The following SLTM variants were observed in gnomAD, a reference collection of about 807,000 sequenced individuals.
SLTM encodes SAFB-like transcription modulator.
SLTM carries 43 observed loss-of-function variants against 134.6 expected under a neutral mutation model. The ratio of observed to expected loss-of-function variants is 0.32; its 90% CI spans 0.25 to 0.41. The LOEUF is 0.41. Among genes scored for constraint, SLTM ranks in the 10% least tolerant of loss-of-function variants. The probability of loss-of-function intolerance (pLI) is 1.00; values close to 1 mark genes in which losing one functional copy is unlikely to be tolerated. For synonymous variants in SLTM, 424 were observed against 432.3 expected (o/e 0.98, Z 0.24); for missense variants, 1,055 against 1,288.8 (o/e 0.82, Z 2.78).
At chr15:58,884,508 G>A (rs1266497985) in intron 19 of SLTM, among the ~76,000 whole-genome samples, 1 of 152,018 alleles carries the variant, frequency 6.6e-6, no homozygotes, top group African/African-American at 2.4e-5. Flanking sequence ...TAGTGGAGAC[G>A]GGGTTTCACC....
Position 58,883,671 on chromosome 15 carries a change from A to G in SLTM, c.2951T>C (p.Met984Thr). ...QGPSYHDTRRMGDGRAGAGMI... is the reference protein window; with the variant it reads ...QGPSYHDTRRTGDGRAGAGMI... Reference sequence around the variant, plus strand: ...GCCTGCTCCTGCCCGGCCGTCACCCATTCGCCTCGTATCATGATAGCTAGG... The same window carrying G: ...GCCTGCTCCTGCCCGGCCGTCACCCGTTCGCCTCGTATCATGATAGCTAGG... The change falls in exon 20 of 21, where the codon ATG becomes ACG. Residue 984 changes from methionine (M) to threonine (T), a missense_variant. Met to Thr is a moderately conservative substitution (Grantham distance 81). Coordinates refer to ENST00000380516, the MANE Select transcript of SLTM (RefSeq NM_024755.4). 2 of 1,614,160 alleles carry G rather than the reference A, an allele frequency of 1.2e-6. No individual in the cohort carries two copies.
chr15:58,903,702 A>G (rs1171848810), intron 5 of SLTM, among the ~76,000 whole-genome samples: 2 of 147,434 alleles, frequency 1.4e-5, no homozygotes, highest in African/African-American at 5.0e-5. Flanking sequence ...ATAATAATAA[A>G]AAGATTAAAA....
chr15:58,916,673 G>A (rs1177346846), intron 3 of SLTM: 1 of 283,828 alleles, frequency 3.5e-6, no homozygotes, highest in Non-Finnish European at 6.6e-6. Flanking sequence ...CTATTCCCCT[G>A]GCCAGCTTTC....
chr15:58,932,265 A>G, intron 2 of SLTM, 91 bp downstream of exon 2: 1 of 910,572 alleles, frequency 1.1e-6, no homozygotes, highest in South Asian at 1.3e-5. Flanking sequence ...AGCAAAGAGT[A>G]GCACTATATA....
rs1465160091 is a variant in SLTM, at chr15:58,912,505, C to A, written c.561+58G>T. On this transcript the variant is annotated intron_variant, in intron 5 of 20. Coordinates refer to ENST00000380516, the MANE Select transcript of SLTM (RefSeq NM_024755.4). ...AGAATTATGAAGTCAAAATAAGATT[C>A]CTTTTCCAAGCCCGTCCACCCACAA... 2.2e-6 allele frequency: 3 copies of A among 1,372,844 alleles called. No individual in the cohort carries two copies. In the African/African-American group the frequency reaches 4.3e-5, roughly 20 times the overall value. 85.0% of individuals were successfully genotyped at this position (1,372,844 alleles called of 1,614,324 possible). A position where few individuals can be genotyped will look rare whatever the true frequency, so the allele number is the denominator to read the frequency against.
chr15:58,883,377 A>C (rs866898639), intron 20 of SLTM: 4 of 482,166 alleles, frequency 8.3e-6, no homozygotes, highest in African/African-American at 7.7e-5. Context: ...CCATACGTAC[A>C]TACCCATATC....
chr15:58,922,462 T>A (rs2141197013), intron 2 of SLTM, among the ~76,000 whole-genome samples: 1 of 143,660 alleles, frequency 7.0e-6, no homozygotes, highest in East Asian at 2.0e-4. Flanking sequence ...TTATATAATA[T>A]ATAATATGTA....
chr15:58,894,423 G>A lies in SLTM; in HGVS notation c.1377+10C>T, dbSNP rs372040937. On this transcript the variant is annotated intron_variant, in intron 10 of 20. Coordinates refer to ENST00000380516, the MANE Select transcript of SLTM (RefSeq NM_024755.4). ...TAGACTTGCTTTGATAAACAGTTAG[G>A]GAAGCTTACTTTTTCAACAGAAATC... 1 of 1,613,952 alleles carries A rather than the reference G, an allele frequency of 6.2e-7. No homozygotes were observed. The highest frequency in any genetic ancestry group is 8.5e-7 in the Non-Finnish European group (1 of 1,179,928).
rs562530282 is a variant in SLTM, at chr15:58,907,346, G to C, written c.561+5217C>G. ...AAGAATAAAAGCATATTAAAGCCAGGCATGATGGCTCACACCTGTAATCCA... is the reference window on the plus strand; with the variant it reads ...AAGAATAAAAGCATATTAAAGCCAGCCATGATGGCTCACACCTGTAATCCA... On this transcript the variant is annotated intron_variant, in intron 5 of 20. Coordinates refer to ENST00000380516, the MANE Select transcript of SLTM (RefSeq NM_024755.4). Among the ~76,000 whole-genome samples the C allele has an allele frequency of 8.7e-4, 132 of 152,306 alleles. 1 individual carries two copies. Among genetic ancestry groups the C allele is most frequent in the Middle Eastern group, 3.4e-3 (1 of 294 alleles).
chr15:58,907,978 A>T (rs1370976155), intron 5 of SLTM, among the ~76,000 whole-genome samples: 2 of 150,398 alleles, frequency 1.3e-5, no homozygotes, highest in East Asian at 3.9e-4. Flanking sequence ...CCTGAAATAG[A>T]TATATCCCTA....
chr15:58,911,371 A>G (rs2036257356), intron 5 of SLTM, among the ~76,000 whole-genome samples: 1 of 152,198 alleles, frequency 6.6e-6, no homozygotes, highest in Non-Finnish European at 1.5e-5. Context: ...TGACCTCCTC[A>G]TTATTTTTTC....
chr15:58,918,618 T>C (rs997978410), intron 2 of SLTM, among the ~76,000 whole-genome samples: 1 of 152,242 alleles, frequency 6.6e-6, no homozygotes, highest in Admixed American at 6.5e-5. Flanking sequence ...CTTGGTGTTG[T>C]GTTAACTTTC....
intron 8 of SLTM, 26 bp downstream of exon 8, chr15:58,898,777 A>C: frequency 6.4e-7 from 1 of 1,560,446 alleles, no homozygotes; most frequent in Non-Finnish European, 8.8e-7. Context: ...TCAACACTGA[A>C]ATAAATAGGG....
intron 10 of SLTM, 119 bp from the exon 11 acceptor site, chr15:58,894,312 C>T (rs1376591263): frequency 3.5e-6 from 5 of 1,447,838 alleles, no homozygotes; most frequent in Non-Finnish European, 4.7e-6. Flanking sequence ...AGAGTAAAAA[C>T]TACAAATACA....
Position 58,899,997 on chromosome 15 carries a change from C to G in SLTM, c.590-60G>C. On this transcript the variant is annotated intron_variant, in intron 6 of 20. Coordinates refer to ENST00000380516, the MANE Select transcript of SLTM (RefSeq NM_024755.4). This position sits in a 1 kb window ranked among gnomAD's most constrained non-coding sequence, Gnocchi z 5.0. ...CAAGAAGTTTAAACAATTTCATATT[C>G]ATAAGCTAGAATAGGACCTAGAAAA... 2 of 1,343,006 alleles carry G rather than the reference C, an allele frequency of 1.5e-6. No individual in the cohort carries two copies. Among genetic ancestry groups the G allele is most frequent in the Non-Finnish European group, 2.0e-6 (2 of 975,620 alleles). 83.2% of individuals were successfully genotyped at this position (1,343,006 alleles called of 1,614,324 possible). A position where few individuals can be genotyped will look rare whatever the true frequency, so the allele number is the denominator to read the frequency against.
chr15:58,897,130 A>G lies in SLTM; in HGVS notation c.1212T>C (p.Phe404=), dbSNP rs1290278435. 1 of 1,608,984 alleles carries G rather than the reference A, an allele frequency of 6.2e-7. No homozygotes were observed. The part of the protein sequence containing the change: ...NTKAADLKNL[F]GKYGKVLSAK... ...AAGAATGTACCTTTCCATATTTGCC[A>G]AAGAGGTTCTTCAAATCAGCAGCTT... Residue 404 remains phenylalanine (F), a synonymous_variant, in exon 9 of 21, where the codon TTT becomes TTC. Coordinates refer to ENST00000380516, the MANE Select transcript of SLTM (RefSeq NM_024755.4).
At chr15:58,883,411 C>A (rs143433431) in intron 20 of SLTM, 477 of 583,922 alleles carry the variant, frequency 8.2e-4, no homozygotes, top group Non-Finnish European at 1.3e-3. Context: ...CAGAACGTCA[C>A]TGAATTCATT....
chr15:58,906,811 G>T (rs1441331043), intron 5 of SLTM, among the ~76,000 whole-genome samples: 1 of 152,200 alleles, frequency 6.6e-6, no homozygotes. Context: ...GCTGTTTTTA[G>T]CTGGAAAGAC....
At chr15:58,889,267 T>C in intron 16 of SLTM, 163 bp downstream of exon 16, 1 of 754,438 alleles carries the variant, frequency 1.3e-6, no homozygotes. Context: ...CTGTTCCCAC[T>C]TGCTAGTGCA....
Sources: allele counts gnomAD v4.1 joint callset (sites outside exome capture counted in the v4.1 genomes callset), GRCh38; gene constraint gnomAD v4.1.1; non-coding constraint Gnocchi (gnomAD v3.1); transcripts MANE v1.5; gene names NCBI Gene and HGNC (gene_info 2026-07-23, HGNC 2026-07-21).